ABCC11: variants seen among roughly 807,000 people sequenced by gnomAD.
ABCC11 encodes the protein ATP binding cassette subfamily C member 11.
Under a neutral mutation model 149.3 loss-of-function variants are expected in ABCC11, and 135 were observed. That is an observed-to-expected ratio of 0.90 (90% CI 0.79 to 1.04). The LOEUF (loss-of-function observed/expected upper bound fraction) is 1.04, where lower values mean the gene tolerates loss of function less well. ABCC11 is among the 50% of genes least tolerant of loss of function. The pLI is 0.00. For synonymous variants in ABCC11, 665 were observed against 671.4 expected (o/e 0.99, Z 0.15); for missense variants, 1,680 against 1,722.1 (o/e 0.98, Z 0.43).
chr16:48,202,436 C>T (rs1434423838), intron 14 of ABCC11, among the ~76,000 whole-genome samples: 1 of 152,044 alleles, frequency 6.6e-6, no homozygotes, highest in South Asian at 2.1e-4. Flanking sequence ...CATGACGAAA[C>T]CCTGTCTCCA....
intron 28 of ABCC11, among the ~76,000 whole-genome samples, chr16:48,168,124 T>G (rs905855873): frequency 6.6e-6 from 1 of 152,218 alleles, no homozygotes; most frequent in African/African-American, 2.4e-5. Flanking sequence ...TAACTCACAC[T>G]GAAAGTGTGA....
At chr16:48,244,645 G>C in intron 1 of ABCC11, 1 of 1,330,094 alleles carries the variant, frequency 7.5e-7, no homozygotes, top group East Asian at 3.1e-5. Flanking sequence ...CCCCCGCGGC[G>C]GCGGCGGGCG....
At chr16:48,191,812 C>T (rs930229608) in intron 20 of ABCC11, among the ~76,000 whole-genome samples, 1 of 151,666 alleles carries the variant, frequency 6.6e-6, no homozygotes, top group Non-Finnish European at 1.5e-5. Context: ...GGGAACATCA[C>T]ACACTGGGGC....
rs1302076199 is a variant in ABCC11, at chr16:48,211,133, C to A, written c.1423G>T (p.Val475Phe). 6.2e-7 allele frequency: 1 copy of A among 1,614,160 alleles called. No homozygotes were observed. Among genetic ancestry groups the A allele is most frequent in the Admixed American group, 1.7e-5 (1 of 60,022 alleles). Residue 475 changes from valine to phenylalanine, a missense_variant, in exon 11 of 30, where the codon GTC becomes TTC. By Grantham distance (50) the Val-to-Phe change is conservative. Coordinates refer to ENST00000356608, the MANE Select transcript of ABCC11 (RefSeq NM_001370497.1). ...QTLQDPSKALVFEEATLSWQQ... is the reference protein window; with the variant it reads ...QTLQDPSKALFFEEATLSWQQ... Reference sequence around the variant, plus strand: ...CATGACAAGGTGGCCTCCTCAAAGACCAGAGCTTTGCTGGGGTCTTGTAAT... The same window carrying A: ...CATGACAAGGTGGCCTCCTCAAAGAACAGAGCTTTGCTGGGGTCTTGTAAT...
chr16:48,168,677 G>T (rs115846046), intron 28 of ABCC11, among the ~76,000 whole-genome samples: 1 of 152,018 alleles, frequency 6.6e-6, no homozygotes, highest in Non-Finnish European at 1.5e-5. Context: ...GCCCTGTTCC[G>T]CCAAATTTTT....
chr16:48,225,678 C>T (rs1753104335), intron 4 of ABCC11, among the ~76,000 whole-genome samples: 2 of 152,138 alleles, frequency 1.3e-5, no homozygotes, highest in Admixed American at 6.5e-5. Flanking sequence ...TGTCTGGTGT[C>T]CCACTTTTAG....
chr16:48,200,147 G>T, intron 15 of ABCC11, 129 bp downstream of exon 15: 1 of 937,844 alleles, frequency 1.1e-6, no homozygotes, highest in Non-Finnish European at 1.6e-6. Flanking sequence ...CTCCCCAAAT[G>T]TGGAGGAGTC....
rs1321732306 is a variant in ABCC11, at chr16:48,193,913, C to A, written c.2474G>T (p.Trp825Leu). ...CTGCTCCAACCAGTAGCTCAGCCAC[C>A]AGAAGCTGAAGATCGTTAAGAAGAC... is the stretch of plus-strand genomic sequence containing the variant. Reference protein sequence around the residue: ...LIVFLTIFSFWWLSYWLEQGS... With the variant: ...LIVFLTIFSFLWLSYWLEQGS... The change falls in exon 19 of 30, where the codon TGG (tryptophan) becomes TTG (leucine). Residue 825 changes from tryptophan (W) to leucine (L), a missense_variant. By Grantham distance (61) the Trp-to-Leu change is moderately conservative. Coordinates refer to ENST00000356608, the MANE Select transcript of ABCC11 (RefSeq NM_001370497.1). The A allele has an allele frequency of 6.2e-7, 1 of 1,613,902 alleles. No individual in the cohort carries two copies. The highest frequency in any genetic ancestry group is 1.3e-5 in the African/African-American group (1 of 74,922).
chr16:48,176,630 C>T (rs1371109589), intron 25 of ABCC11, among the ~76,000 whole-genome samples: 1 of 152,180 alleles, frequency 6.6e-6, no homozygotes, highest in East Asian at 1.9e-4. Context: ...AGGCCCAGTA[C>T]CACTAGCCCC....
At chr16:48,188,930 T>C (rs1051046847) in intron 20 of ABCC11, among the ~76,000 whole-genome samples, 1 of 152,236 alleles carries the variant, frequency 6.6e-6, no homozygotes, top group African/African-American at 2.4e-5. Flanking sequence ...TGACGGTTAC[T>C]AAATGTAATT....
At chr16:48,245,578 A>G (rs1166373775) in intron 1 of ABCC11, among the ~76,000 whole-genome samples, 4 of 152,208 alleles carry the variant, frequency 2.6e-5, no homozygotes, top group Non-Finnish European at 5.9e-5. Flanking sequence ...CTGTTTTAGC[A>G]TTGAAAGTCC....
chr16:48,188,309 T>G, intron 20 of ABCC11, among the ~76,000 whole-genome samples: 1 of 152,156 alleles, frequency 6.6e-6, no homozygotes, highest in Non-Finnish European at 1.5e-5. Context: ...CCAAGAACCC[T>G]CATGGACTAA....
chr16:48,168,945 G>T (rs899594077), intron 28 of ABCC11, among the ~76,000 whole-genome samples: 1 of 152,162 alleles, frequency 6.6e-6, no homozygotes, highest in East Asian at 1.9e-4. Context: ...ATGCATGTGG[G>T]TCTTAAAACC....
At chr16:48,207,188 G>A (rs772687499) in intron 12 of ABCC11, among the ~76,000 whole-genome samples, 2 of 152,162 alleles carry the variant, frequency 1.3e-5, no homozygotes, top group African/African-American at 2.4e-5. Flanking sequence ...AGAAGAAGAA[G>A]GGGGAAGAGA....
intron 27 of ABCC11, among the ~76,000 whole-genome samples, chr16:48,170,474 T>C (rs1965645157): frequency 6.6e-6 from 1 of 152,176 alleles, no homozygotes; most frequent in African/African-American, 2.4e-5. Flanking sequence ...TCAGCTCAGC[T>C]GCCACCTGTT....
chr16:48,175,843 G>T (rs947940179), intron 25 of ABCC11, among the ~76,000 whole-genome samples: 1 of 151,462 alleles, frequency 6.6e-6, no homozygotes, highest in South Asian at 2.1e-4. Flanking sequence ...CAGCCACTTG[G>T]TTGAGACACA....
At chr16:48,192,146 T>C (rs1332464805) in intron 20 of ABCC11, among the ~76,000 whole-genome samples, 1 of 150,862 alleles carries the variant, frequency 6.6e-6, no homozygotes, top group Non-Finnish European at 1.5e-5. Flanking sequence ...TAAGGTCTAC[T>C]AATAAAAAAA....
At chr16:48,236,898 TG>T (rs1970716971) in intron 1 of ABCC11, among the ~76,000 whole-genome samples, 1 of 152,194 alleles carries the variant, frequency 6.6e-6, no homozygotes, top group Non-Finnish European at 1.5e-5. Flanking sequence ...TTGTGGTTGT[TG>T]GGGCACATGT....
rs1966003637 is a variant in ABCC11, at chr16:48,175,536, T to C, written c.3539-119A>G. 1.6e-5 allele frequency: 20 copies of C among 1,243,608 alleles called. 1 individual carries two copies. Among genetic ancestry groups the C allele is most frequent in the Admixed American group, 2.5e-5 (1 of 39,640 alleles). 77.0% of individuals were successfully genotyped at this position (1,243,608 alleles called of 1,614,324 possible). On this transcript the variant is annotated intron_variant, in intron 25 of 29. Coordinates refer to ENST00000356608, the MANE Select transcript of ABCC11 (RefSeq NM_001370497.1). The stretch of plus-strand genomic sequence containing the variant: ...CTCCGTGGCCCATTCTTCATCACTG[T>C]GAGCCCTGAAGGGGTAGGAGAGGGC...
Sources: gnomAD v4.1 joint callset for allele counts (sites outside exome capture counted in the v4.1 genomes callset) on GRCh38, gnomAD v4.1.1 for gene constraint, MANE v1.5 for transcripts, NCBI Gene and HGNC (gene_info 2026-07-23, HGNC 2026-07-21) for gene names.